Variants in DIP2C observed in about 807,000 individuals in gnomAD.
DIP2C encodes the protein DIP2 acetate--CoA ligase C (putative).
A neutral mutation model predicts 192.4 loss-of-function variants in DIP2C; 33 were observed. That is an observed-to-expected ratio of 0.17 (90% CI 0.13 to 0.23). The LOEUF is 0.23. Among genes scored for constraint, DIP2C ranks in the 10% least tolerant of loss-of-function variants. DIP2C has a pLI of 1.00. For missense variants in DIP2C, 1,537 were observed against 2,110.1 expected (o/e 0.73, Z 5.32); for synonymous variants, 979 against 864.1 (o/e 1.13, Z -2.33).
chr10:435,788 G>T (rs1967130571), intron 4 of DIP2C, among the ~76,000 whole-genome samples: 1 of 152,078 alleles, frequency 6.6e-6, no homozygotes, highest in Non-Finnish European at 1.5e-5. Flanking sequence ...TCTGGCTCAA[G>T]TATTAAAATA....
At position 575,976 on chromosome 10, in the gene DIP2C, G is replaced by A. The variant is rs114903024; in HGVS notation, c.86-89446C>T. ...TCACATCCCCCACCTCCTTGCAGAT[G>A]CTACTCCTGCACGTGGGTGCCAGTC... On this transcript the variant is annotated intron_variant, in intron 1 of 36. Transcript: ENST00000280886. 4.9e-3 allele frequency among the ~76,000 whole-genome samples: 753 copies of A among 152,320 alleles called. 6 individuals carry two copies. Among genetic ancestry groups the A allele is most frequent in the African/African-American group, 0.017 (686 of 41,566 alleles).
chr10:305,454 T>C (rs1956272745), intron 32 of DIP2C, among the ~76,000 whole-genome samples: 1 of 152,246 alleles, frequency 6.6e-6, no homozygotes, highest in Admixed American at 6.5e-5. Flanking sequence ...GTACTTCTAT[T>C]CTGTGGCCCC....
intron 7 of DIP2C, among the ~76,000 whole-genome samples, chr10:414,739 G>GTGTGTATATATATA: frequency 0.059 from 5,317 of 90,352 alleles, 509 homozygotes; most frequent in South Asian, 0.11. Flanking sequence ...GTGTGTGTGT[G>GTGTGTATATATATA]TACATATATA....
chr10:472,676 G>C, intron 2 of DIP2C, 127 bp from the exon 3 acceptor site: 1 of 782,358 alleles, frequency 1.3e-6, no homozygotes, highest in Non-Finnish European at 2.1e-6. Context: ...GCATGGCGGC[G>C]CCTCAGAGCC....
intron 1 of DIP2C, among the ~76,000 whole-genome samples, chr10:624,987 G>A (rs962905543): frequency 1.1e-4 from 16 of 152,190 alleles, no homozygotes; most frequent in Admixed American, 3.9e-4. Context: ...GGCCGGCGGC[G>A]CAACCTTGGC....
intron 1 of DIP2C, among the ~76,000 whole-genome samples, chr10:609,412 A>C (rs572010231): frequency 6.6e-6 from 1 of 152,346 alleles, no homozygotes; most frequent in African/African-American, 2.4e-5. Context: ...ATCAAACAAT[A>C]CTGGAGCAAG....
At chr10:501,065 T>G (rs1335529461) in intron 1 of DIP2C, among the ~76,000 whole-genome samples, 1 of 152,194 alleles carries the variant, frequency 6.6e-6, no homozygotes. Context: ...ATTATGACTT[T>G]CTCTGAGGCC....
chr10:642,701 G>A (rs1029313618), intron 1 of DIP2C, among the ~76,000 whole-genome samples: 5 of 152,218 alleles, frequency 3.3e-5, no homozygotes, highest in African/African-American at 4.8e-5. Context: ...TGCCCTCACC[G>A]GCACCGGGGT....
intron 1 of DIP2C, among the ~76,000 whole-genome samples, chr10:585,260 T>C (rs965517975): frequency 6.6e-6 from 1 of 152,180 alleles, no homozygotes; most frequent in Non-Finnish European, 1.5e-5. Context: ...CACCCTGTTT[T>C]TCTCTCCCTG....
At chr10:614,303 A>G (rs1853296545) in intron 1 of DIP2C, among the ~76,000 whole-genome samples, 1 of 152,188 alleles carries the variant, frequency 6.6e-6, no homozygotes, top group South Asian at 2.1e-4. Flanking sequence ...TTTCCCCTGG[A>G]GACTCGGAGA....
intron 1 of DIP2C, chr10:663,029 A>T: frequency 1.5e-6 from 1 of 687,194 alleles, no homozygotes; most frequent in Non-Finnish European, 2.7e-6. Context: ...GAAAGACTCT[A>T]AACACTCTGG....
At chr10:535,195 A>T (rs956289723) in intron 1 of DIP2C, among the ~76,000 whole-genome samples, 1 of 152,056 alleles carries the variant, frequency 6.6e-6, no homozygotes, top group African/African-American at 2.4e-5. Flanking sequence ...GTTCAGGAGA[A>T]GGTGGCACCT....
At chr10:413,872 G>T in intron 8 of DIP2C, 41 bp downstream of exon 8, 1 of 1,596,870 alleles carries the variant, frequency 6.3e-7, no homozygotes, top group South Asian at 1.1e-5. Context: ...GTGGCTGTGC[G>T]AGGGGGTGGG....
chr10:601,752 C>A (rs1345103780), intron 1 of DIP2C, among the ~76,000 whole-genome samples: 1 of 152,214 alleles, frequency 6.6e-6, no homozygotes, highest in Non-Finnish European at 1.5e-5. Flanking sequence ...ACTGTTCTCT[C>A]CTTCACAGGG....
chr10:560,879 C>T (rs954737332), intron 1 of DIP2C, among the ~76,000 whole-genome samples: 3 of 152,112 alleles, frequency 2.0e-5, no homozygotes, highest in African/African-American at 7.2e-5. Flanking sequence ...CTTAGCCTGA[C>T]GGGAAACATT....
At chr10:424,699 T>C (rs565538767) in intron 4 of DIP2C, among the ~76,000 whole-genome samples, 36 of 152,268 alleles carry the variant, frequency 2.4e-4, no homozygotes, top group African/African-American at 7.9e-4. Flanking sequence ...ACAATTTCTA[T>C]AAAAGTAAAA....
chr10:353,206 A>AGG (rs1958909087), intron 24 of DIP2C, among the ~76,000 whole-genome samples: 1 of 152,116 alleles, frequency 6.6e-6, no homozygotes, highest in Non-Finnish European at 1.5e-5. Context: ...CCCTTGTCTA[A>AGG]GGACACACAT....
intron 6 of DIP2C, among the ~76,000 whole-genome samples, chr10:418,066 G>GTCCACCTGCACCTGTCAGGGC (rs1965888860): frequency 7.4e-5 from 1 of 13,544 alleles, no homozygotes; most frequent in Non-Finnish European, 2.0e-4. Flanking sequence ...AGGCCTCCCT[G>GTCCACCTGCACCTGTCAGGGC]TTCACTGCAC....
chr10:400,794 T>C (rs1364111242), intron 9 of DIP2C, among the ~76,000 whole-genome samples: 4 of 151,676 alleles, frequency 2.6e-5, no homozygotes, highest in African/African-American at 9.7e-5. Context: ...GTGGTAGCAT[T>C]AGCATTACTC....
Sources: gnomAD v4.1 joint callset for allele counts (sites outside exome capture counted in the v4.1 genomes callset) on GRCh38, gnomAD v4.1.1 for gene constraint, MANE v1.5 for transcripts, NCBI Gene and HGNC (gene_info 2026-07-23, HGNC 2026-07-21) for gene names.